The following GSK3B variants were observed in gnomAD, a reference collection of about 807,000 sequenced individuals.
GSK3B encodes the protein glycogen synthase kinase 3 beta, also known as glycogen synthase kinase-3 beta.
In GSK3B, 15 loss-of-function variants were observed where a neutral mutation model predicts 56.4. The observed-to-expected ratio is 0.27, with a 90% CI of 0.18 to 0.41. The LOEUF (loss-of-function observed/expected upper bound fraction) is 0.41, where lower values mean the gene tolerates loss of function less well. Among genes scored for constraint, GSK3B ranks in the 10% least tolerant of loss-of-function variants. GSK3B has a pLI of 1.00. For synonymous variants in GSK3B, 181 were observed against 188.9 expected (o/e 0.96, Z 0.34); for missense variants, 300 against 513.4 (o/e 0.58, Z 4.02).
intron 7 of GSK3B, among the ~76,000 whole-genome samples, chr3:119,896,537 AAT>A (rs1156676819): frequency 6.6e-6 from 1 of 150,686 alleles, no homozygotes; most frequent in Non-Finnish European, 1.5e-5. Context: ...ATACTGTCTT[AAT>A]ATCTTATACA....
intron 2 of GSK3B, among the ~76,000 whole-genome samples, chr3:119,971,704 C>T (rs1425058322): frequency 2.1e-5 from 3 of 145,062 alleles, no homozygotes; most frequent in African/African-American, 5.1e-5. Context: ...CTCCGCCTCC[C>T]GGGTTCACGC....
chr3:120,075,532 T>C (rs1040124556), intron 1 of GSK3B, among the ~76,000 whole-genome samples: 2 of 152,186 alleles, frequency 1.3e-5, no homozygotes, highest in African/African-American at 4.8e-5. Flanking sequence ...ATTAATTTAG[T>C]AAAGTTGTAG....
chr3:120,092,323 T>C (rs879497587), intron 1 of GSK3B, among the ~76,000 whole-genome samples: 1 of 152,126 alleles, frequency 6.6e-6, no homozygotes, highest in Non-Finnish European at 1.5e-5. Flanking sequence ...TCTAGGACCA[T>C]AGCCATCTGC....
chr3:119,822,770 T>C lies in GSK3B; in HGVS notation c.*4018A>G, dbSNP rs1417434926. On this transcript the variant is annotated 3_prime_UTR_variant, in exon 11 of 11. Coordinates refer to ENST00000264235, the MANE Select transcript of GSK3B (RefSeq NM_001146156.2). ...TTTGGCTCTGTGATTAGATGATCAC[T>C]AACATGAACAGTAGGAATCAGATAC... 1 of 228,560 alleles carries C rather than the reference T, an allele frequency of 4.4e-6. No individual in the cohort carries two copies. Among genetic ancestry groups the C allele is most frequent in the Non-Finnish European group, 8.7e-6 (1 of 115,184 alleles). 14.2% of individuals were successfully genotyped at this position (228,560 alleles called of 1,614,324 possible). A position where few individuals can be genotyped will look rare whatever the true frequency, so the allele number is the denominator to read the frequency against.
Position 119,949,537 on chromosome 3 carries a change from G to A in GSK3B, c.283-2186C>T, listed in dbSNP as rs145219764. ...ATTCTGAGTAAGGAGAGAAAGGTGG[G>A]AGTTAAGTTCAGAGAGGTAGGAGTT... On this transcript the variant is annotated intron_variant, in intron 2 of 10. Transcript: ENST00000264235. Among the ~76,000 whole-genome samples the A allele has an allele frequency of 4.2e-3, 639 of 152,230 alleles. 1 individual carries two copies. Among genetic ancestry groups the A allele is most frequent in the African/African-American group, 0.015 (603 of 41,532 alleles).
At chr3:119,847,219 A>G (rs991231623) in intron 9 of GSK3B, among the ~76,000 whole-genome samples, 6 of 152,158 alleles carry the variant, frequency 3.9e-5, no homozygotes, top group African/African-American at 1.4e-4. Flanking sequence ...GCAAACCACT[A>G]TGGCACATGT....
intron 3 of GSK3B, among the ~76,000 whole-genome samples, chr3:119,940,825 G>A (rs1453228706): frequency 6.6e-6 from 1 of 151,954 alleles, no homozygotes; most frequent in Admixed American, 6.6e-5. Flanking sequence ...TAAAATACTG[G>A]TTTAAATCAC....
intron 1 of GSK3B, among the ~76,000 whole-genome samples, chr3:120,040,678 C>T (rs965712485): frequency 6.6e-6 from 1 of 152,044 alleles, no homozygotes; most frequent in East Asian, 1.9e-4. Context: ...TCCCCCCAAT[C>T]TCTTGTTAAA....
intron 9 of GSK3B, among the ~76,000 whole-genome samples, chr3:119,851,398 C>T (rs1426929578): frequency 1.3e-5 from 2 of 152,122 alleles, no homozygotes; most frequent in Non-Finnish European, 2.9e-5. Flanking sequence ...TTCTATTCTT[C>T]CAAGTACAAG....
chr3:119,978,475 T>C (rs2057429733), intron 2 of GSK3B, among the ~76,000 whole-genome samples: 2 of 152,020 alleles, frequency 1.3e-5, no homozygotes, highest in African/African-American at 4.8e-5. Context: ...GCCAGCCGCG[T>C]TTTGTGTTTC....
chr3:119,887,483 T>G (rs1576175408), intron 7 of GSK3B, among the ~76,000 whole-genome samples: 1 of 151,720 alleles, frequency 6.6e-6, no homozygotes, highest in East Asian at 1.9e-4. Context: ...AATTGTACAG[T>G]TAAAAAATAC....
In GSK3B at chr3:119,981,393, C is replaced by T. The variant is rs117349652; in HGVS notation, c.282+20653G>A. On this transcript the variant is annotated intron_variant, in intron 2 of 10. Coordinates refer to ENST00000264235, the MANE Select transcript of GSK3B (RefSeq NM_001146156.2). ...GAGGGCAAGCTGAAGCAGGGTGGGGCGTTGCATCACCCACAAAGCGCAAGG... is the reference window on the plus strand; with the variant it reads ...GAGGGCAAGCTGAAGCAGGGTGGGGTGTTGCATCACCCACAAAGCGCAAGG... 1.4e-3 allele frequency among the ~76,000 whole-genome samples: 212 copies of T among 152,290 alleles called. 3 individuals carry two copies. In the East Asian group the frequency reaches 0.037, roughly 27 times the overall value.
intron 6 of GSK3B, among the ~76,000 whole-genome samples, chr3:119,907,565 T>C (rs1029224521): frequency 1.1e-4 from 16 of 152,154 alleles, no homozygotes; most frequent in African/African-American, 3.1e-4. Flanking sequence ...ATTCTCCAGA[T>C]AGAATAAAAC....
intron 1 of GSK3B, among the ~76,000 whole-genome samples, chr3:120,036,806 A>G (rs2107527506): frequency 6.6e-6 from 1 of 151,632 alleles, no homozygotes; most frequent in East Asian, 1.9e-4. Flanking sequence ...AAAAAAAAAA[A>G]AAAAAAAGCA....
chr3:120,089,680 C>T (rs890215688), intron 1 of GSK3B, among the ~76,000 whole-genome samples: 1 of 152,068 alleles, frequency 6.6e-6, no homozygotes, highest in Non-Finnish European at 1.5e-5. Flanking sequence ...AGTATTAAAC[C>T]TAAACAACTA....
chr3:119,849,580 T>C (rs1245532879), intron 9 of GSK3B, among the ~76,000 whole-genome samples: 4 of 152,204 alleles, frequency 2.6e-5, no homozygotes, highest in African/African-American at 9.7e-5. Context: ...TTACTCTCTT[T>C]TACCACATCA....
chr3:120,042,058 A>T (rs1427064482), intron 1 of GSK3B, among the ~76,000 whole-genome samples: 1 of 152,240 alleles, frequency 6.6e-6, no homozygotes, highest in Non-Finnish European at 1.5e-5. Flanking sequence ...TAATCACCCG[A>T]GCACTGAATA....
chr3:119,893,977 C>G (rs2056533260), intron 7 of GSK3B, among the ~76,000 whole-genome samples: 1 of 151,932 alleles, frequency 6.6e-6, no homozygotes, highest in Non-Finnish European at 1.5e-5. Context: ...ATCATCACTG[C>G]TGTCTAATTT....
chr3:119,927,066 T>C (rs1229072632), intron 3 of GSK3B, among the ~76,000 whole-genome samples: 2 of 152,178 alleles, frequency 1.3e-5, no homozygotes, highest in East Asian at 1.9e-4. Flanking sequence ...TCTATCTCCA[T>C]GTAGAATAGT....
Sources: gnomAD v4.1 joint callset for allele counts (sites outside exome capture counted in the v4.1 genomes callset) on GRCh38, gnomAD v4.1.1 for gene constraint, MANE v1.5 for transcripts, NCBI Gene and HGNC (gene_info 2026-07-23, HGNC 2026-07-21) for gene names.